The following TM4SF1 variants were observed in gnomAD, a reference collection of about 807,000 sequenced individuals.
TM4SF1 encodes the protein transmembrane 4 L six family member 1.
TM4SF1 carries 20 observed loss-of-function variants against 24.5 expected under a neutral mutation model. The observed-to-expected ratio is 0.82, with a 90% CI of 0.57 to 1.19. The LOEUF (loss-of-function observed/expected upper bound fraction) is 1.19, where lower values mean the gene tolerates loss of function less well. TM4SF1 is among the 50% of genes most tolerant of loss of function. The pLI is 0.00. For missense variants in TM4SF1, 258 were observed against 248.1 expected (o/e 1.04, Z -0.27); for synonymous variants, 107 against 95.4 (o/e 1.12, Z -0.71).
At chr3:149,376,310 C>T (rs116270096) in intron 1 of TM4SF1, among the ~76,000 whole-genome samples, 5 of 152,186 alleles carry the variant, frequency 3.3e-5, no homozygotes, top group Non-Finnish European at 4.4e-5. Flanking sequence ...GGTTCAAGAT[C>T]GAAAGAAACT....
At chr3:149,377,298 C>G in intron 1 of TM4SF1, 73 bp downstream of exon 1, 1 of 1,524,348 alleles carries the variant, frequency 6.6e-7, no homozygotes, top group Non-Finnish European at 8.8e-7. Flanking sequence ...TTACAAAAAA[C>G]TTTCCATGAA....
rs1246235295 is a variant in TM4SF1 at position 149,377,563 on chromosome 3, T to G, written c.-16A>C. On this transcript the variant is annotated 5_prime_UTR_variant, in exon 1 of 5. Transcript: ENST00000305366. Reference sequence around the variant, plus strand: ...CATAGCACATGGTGGTCTGCTAGGTTTTCTCCCCCTTCTCTTTGTCTTCAG... The same window carrying G: ...CATAGCACATGGTGGTCTGCTAGGTGTTCTCCCCCTTCTCTTTGTCTTCAG... The G allele has an allele frequency of 6.2e-7, 1 of 1,602,322 alleles. No homozygotes were observed. Among genetic ancestry groups the G allele is most frequent in the South Asian group, 1.1e-5 (1 of 89,578 alleles).
chr3:149,372,633 C>CT (rs551055791), intron 3 of TM4SF1, among the ~76,000 whole-genome samples: 2 of 152,212 alleles, frequency 1.3e-5, no homozygotes, highest in East Asian at 3.9e-4. Context: ...TAGCTCTTTA[C>CT]TTTTTTCTGA....
intron 3 of TM4SF1, among the ~76,000 whole-genome samples, chr3:149,374,853 T>A (rs1336300092): frequency 6.6e-6 from 1 of 152,194 alleles, no homozygotes; most frequent in Non-Finnish European, 1.5e-5. Context: ...TAAAATGTAT[T>A]ACACTTAATC....
At position 149,377,484 on chromosome 3, in the gene TM4SF1, T is replaced by C; in HGVS notation, c.64A>G (p.Ile22Val). The C allele has an allele frequency of 6.2e-7, 1 of 1,614,220 alleles. No homozygotes were observed. Among genetic ancestry groups the C allele is most frequent in the South Asian group, 1.1e-5 (1 of 91,080 alleles). Residue 22 changes from isoleucine (I) to valine (V), a missense_variant, in exon 1 of 5, where the codon ATC becomes GTC. Transcript: ENST00000305366. The stretch of plus-strand genomic sequence containing the variant: ...AAGTAAAGCAAAATATTAGCCGCGA[T>C]GCACAGGAGGGCGAGCCCCACCAGA... Reference protein sequence around the residue: ...HSLVGLALLCIAANILLYFPN... With the variant: ...HSLVGLALLCVAANILLYFPN...
chr3:149,371,803 C>G lies in TM4SF1; in HGVS notation c.478G>C (p.Val160Leu), dbSNP rs766236764. 2 of 1,613,974 alleles carry G rather than the reference C, an allele frequency of 1.2e-6. No homozygotes were observed. Among genetic ancestry groups the G allele is most frequent in the African/African-American group, 2.7e-5 (2 of 74,908 alleles). The change falls in exon 4 of 5, where the codon GTA becomes CTA. Residue 160 changes from valine to leucine, a missense_variant. By Grantham distance (32) the Val-to-Leu change is conservative. Transcript: ENST00000305366. ...GCCAAGAGGATAGAAAACAGAGATA[C>G]ATTCCATTCCACAATGTGCTTGGGT... The part of the protein sequence containing the change: ...TEPKHIVEWN[V>L]SLFSILLALG...
chr3:149,371,532 GC>G (rs1731820702), intron 4 of TM4SF1, 154 bp downstream of exon 4: 2 of 757,800 alleles, frequency 2.6e-6, no homozygotes, highest in East Asian at 5.2e-5. Context: ...GTTACTGACA[GC>G]TAAAGTGAAT....
At chr3:149,374,325 A>G (rs910029940) in intron 3 of TM4SF1, among the ~76,000 whole-genome samples, 4 of 152,338 alleles carry the variant, frequency 2.6e-5, no homozygotes, top group Admixed American at 6.5e-5. Flanking sequence ...TGTGAGATTC[A>G]TATATCCTCA....
At chr3:149,369,987 C>A in intron 4 of TM4SF1, 107 bp from the exon 5 acceptor site, 3 of 1,406,812 alleles carry the variant, frequency 2.1e-6, no homozygotes, top group African/African-American at 1.5e-5. Flanking sequence ...CTGATCTTAG[C>A]TTCAGCAAAG....
chr3:149,373,090 A>G (rs1169778640), intron 3 of TM4SF1, among the ~76,000 whole-genome samples: 1 of 152,232 alleles, frequency 6.6e-6, no homozygotes, highest in African/African-American at 2.4e-5. Context: ...TTATGTATCT[A>G]TTCAATAAGG....
At chr3:149,372,342 T>C (rs964446643) in intron 3 of TM4SF1, among the ~76,000 whole-genome samples, 1 of 152,172 alleles carries the variant, frequency 6.6e-6, no homozygotes, top group Non-Finnish European at 1.5e-5. Context: ...TTGTTATTGG[T>C]ATAAAAGATG....
chr3:149,372,685 G>A (rs1447026362), intron 3 of TM4SF1, among the ~76,000 whole-genome samples: 3 of 152,212 alleles, frequency 2.0e-5, no homozygotes, highest in South Asian at 2.1e-4. Flanking sequence ...GTGCAATGGC[G>A]CAATCTTGGC....
chr3:149,370,736 A>T (rs1261768949), intron 4 of TM4SF1: 1 of 152,102 alleles, frequency 6.6e-6, no homozygotes, highest in African/African-American at 2.4e-5. Context: ...CTTCCCCCAA[A>T]ATTACAGAAA....
At position 149,369,705 on chromosome 3, in the gene TM4SF1, C is replaced by A; in HGVS notation, c.*161G>T. ...AAAAAAGAAGTTTACTAAATTTAAACACTGACATCCTGTGAAGATGCCAGT... is the reference window on the plus strand; with the variant it reads ...AAAAAAGAAGTTTACTAAATTTAAAAACTGACATCCTGTGAAGATGCCAGT... On this transcript the variant is annotated 3_prime_UTR_variant, in exon 5 of 5. Transcript: ENST00000305366. 2.6e-6 allele frequency: 2 copies of A among 772,262 alleles called. No individual in the cohort carries two copies. The highest frequency in any genetic ancestry group is 2.0e-5 in the South Asian group (1 of 50,704). The allele number at this position is 772,262 out of a possible 1,614,324, so 47.8% of individuals were successfully genotyped here.
intron 1 of TM4SF1, among the ~76,000 whole-genome samples, chr3:149,377,038 A>G (rs1236999629): frequency 6.6e-6 from 1 of 152,252 alleles, no homozygotes; most frequent in Non-Finnish European, 1.5e-5. Context: ...CCGGCTCCCC[A>G]GAGCAAATGT....
At chr3:149,373,613 A>C (rs1731882346) in intron 3 of TM4SF1, among the ~76,000 whole-genome samples, 2 of 152,226 alleles carry the variant, frequency 1.3e-5, no homozygotes, top group Admixed American at 6.5e-5. Flanking sequence ...TCTGCATGTC[A>C]GCAGAACAAA....
At chr3:149,377,325 A>G (rs1210486168) in intron 1 of TM4SF1, 46 bp downstream of exon 1, 2 of 1,563,314 alleles carry the variant, frequency 1.3e-6, no homozygotes, top group Non-Finnish European at 1.7e-6. Context: ...TAATGAAAAC[A>G]TCTAGGAAAC....
chr3:149,376,646 T>C (rs934338347), intron 1 of TM4SF1, among the ~76,000 whole-genome samples: 2 of 152,264 alleles, frequency 1.3e-5, no homozygotes, highest in African/African-American at 4.8e-5. Context: ...TACCATTCCA[T>C]AAAATTTCTC....
chr3:149,374,379 A>G (rs144017260), intron 3 of TM4SF1, among the ~76,000 whole-genome samples: 1 of 152,218 alleles, frequency 6.6e-6, no homozygotes, highest in Admixed American at 6.5e-5. Context: ...TTGATAATAT[A>G]ATTTGTTATT....
Sources: gnomAD v4.1 joint callset for allele counts (sites outside exome capture counted in the v4.1 genomes callset) on GRCh38, gnomAD v4.1.1 for gene constraint, MANE v1.5 for transcripts, NCBI Gene and HGNC (gene_info 2026-07-23, HGNC 2026-07-21) for gene names.